The following OR5K3 variants were observed in gnomAD, a reference collection of about 807,000 sequenced individuals.
OR5K3 encodes the protein olfactory receptor 5K3.
For missense variants in OR5K3, 498 were observed against 383.2 expected (o/e 1.30, Z -2.50); for synonymous variants, 178 against 132.6 (o/e 1.34, Z -2.35).
rs141102672 is a variant in OR5K3, at chr3:98,391,430, C to A, written c.765C>A (p.Phe255Leu). 39 of 1,605,002 alleles carry A rather than the reference C, an allele frequency of 2.4e-5. No individual in the cohort carries two copies. In the African/African-American group the frequency reaches 3.9e-4, roughly 16 times the overall value. ...SVSIFCDSLL[F>L]MYARPGAVNE... ...CAATATTCTGTGATTCCCTTCTCTT[C>A]ATGTATGCTCGACCAGGTGCAGTTA... The change falls in exon 1 of 1, where the codon TTC becomes TTA. Residue 255 changes from phenylalanine to leucine, a missense_variant. Transcript: ENST00000383695.
In OR5K3 at chr3:98,390,683, C is replaced by T. The variant is rs370904570; in HGVS notation, c.18C>T (p.His6=). The change falls in exon 1 of 1, where the codon CAC becomes CAT. Residue 6 remains histidine, a synonymous_variant. Transcript: ENST00000383695. ...AGGTGGAGATGAATAAGGAGAATCA[C>T]TCCTTGATAGCTGAGTTCATCCTCA... The part of the protein sequence containing the change: MNKEN[H]SLIAEFILTG... 1.8e-4 allele frequency: 294 copies of T among 1,613,072 alleles called. 1 individual carries two copies. Among genetic ancestry groups the T allele is most frequent in the Middle Eastern group, 9.9e-4 (6 of 6,078 alleles).
In OR5K3 at chr3:98,391,059, T is replaced by C. The variant is rs772593682; in HGVS notation, c.394T>C (p.Tyr132His). ...TGTGGCCATATGCAACCCACTGCAG[T>C]ACCACACCATGATGTCCAAGACACT... ...CYVAICNPLQYHTMMSKTLCI... is the reference protein window; with the variant it reads ...CYVAICNPLQHHTMMSKTLCI... Residue 132 changes from tyrosine (Y) to histidine (H), a missense_variant, in exon 1 of 1, where the codon TAC becomes CAC. Physicochemically the swap from Tyr to His is moderately conservative, Grantham distance 83 (BLOSUM62 2). Transcript: ENST00000383695. 5.6e-6 allele frequency: 9 copies of C among 1,614,222 alleles called. No homozygotes were observed. Among genetic ancestry groups the C allele is most frequent in the Middle Eastern group, 1.7e-4 (1 of 6,060 alleles).
Position 98,391,177 on chromosome 3 carries a change from C to G in OR5K3, c.512C>G (p.Ser171Cys). Reference protein sequence around the residue: ...EFLLRLTFCGSHQINHFFCDV... With the variant: ...EFLLRLTFCGCHQINHFFCDV... ...CTGTTGAGGTTAACTTTCTGTGGGT[C>G]TCATCAAATCAATCATTTTTTCTGT... is the stretch of plus-strand genomic sequence containing the variant. Residue 171 changes from serine to cysteine, a missense_variant, in exon 1 of 1, where the codon TCT (serine) becomes TGT (cysteine). Transcript: ENST00000383695. The G allele has an allele frequency of 6.2e-7, 1 of 1,613,914 alleles. No individual in the cohort carries two copies. Among genetic ancestry groups the G allele is most frequent in the Non-Finnish European group, 8.5e-7 (1 of 1,179,950 alleles).
At position 98,391,141 on chromosome 3, in the gene OR5K3, A is replaced by T. The variant is rs1471040563; in HGVS notation, c.476A>T (p.Glu159Val). The T allele has an allele frequency of 9.3e-6, 15 of 1,614,046 alleles. No individual in the cohort carries two copies. The highest frequency in any genetic ancestry group is 1.3e-5 in the Non-Finnish European group (15 of 1,180,040). Residue 159 changes from glutamate to valine, a missense_variant, in exon 1 of 1, where the codon GAA becomes GTA. Physicochemically the swap from Glu to Val is moderately radical, Grantham distance 121. Transcript: ENST00000383695. ...YLAGNLHPMI[E>V]VEFLLRLTFC... ...GCTGGCAACCTGCATCCCATGATTGAAGTAGAGTTTCTGTTGAGGTTAACT... is the reference window on the plus strand; with the variant it reads ...GCTGGCAACCTGCATCCCATGATTGTAGTAGAGTTTCTGTTGAGGTTAACT...
In OR5K3 at chr3:98,391,155, T is replaced by C. The variant is rs778282356; in HGVS notation, c.490T>C (p.Leu164=). The change falls in exon 1 of 1, where the codon TTG becomes CTG. Residue 164 remains leucine, a synonymous_variant. Coordinates refer to ENST00000383695, the MANE Select transcript of OR5K3 (RefSeq NM_001005516.1). ...LHPMIEVEFL[L]RLTFCGSHQI... is the part of the protein sequence containing the mutation. ...TCCCATGATTGAAGTAGAGTTTCTG[T>C]TGAGGTTAACTTTCTGTGGGTCTCA... The C allele has an allele frequency of 1.2e-6, 2 of 1,614,200 alleles. No homozygotes were observed. The highest frequency in any genetic ancestry group is 1.7e-6 in the Non-Finnish European group (2 of 1,180,038).
In OR5K3 at chr3:98,390,870, A is replaced by T. The variant is rs769094607; in HGVS notation, c.205A>T (p.Met69Leu). The change falls in exon 1 of 1, where the codon ATG becomes TTG. Residue 69 changes from methionine (M) to leucine (L), a missense_variant. Met to Leu is a conservative substitution (Grantham distance 15). Transcript: ENST00000383695. Reference protein sequence around the residue: ...MYIFLGNLVLMDSCCSSAITP... With the variant: ...MYIFLGNLVLLDSCCSSAITP... ...CATATTTTTAGGCAACCTAGTTCTG[A>T]TGGATTCCTGCTGTTCCTCTGCTAT... 1 of 1,614,252 alleles carries T rather than the reference A, an allele frequency of 6.2e-7. No homozygotes were observed. The highest frequency in any genetic ancestry group is 8.5e-7 in the Non-Finnish European group (1 of 1,180,034).
rs1242388593 is a variant in OR5K3 at position 98,391,184 on chromosome 3, A to G, written c.519A>G (p.Gln173=). ...GGTTAACTTTCTGTGGGTCTCATCA[A>G]ATCAATCATTTTTTCTGTGATGTTC... ...LLRLTFCGSH[Q]INHFFCDVLP... is the part of the protein sequence containing the mutation. The change falls in exon 1 of 1, where the codon CAA becomes CAG. Residue 173 remains glutamine (Q), a synonymous_variant. Transcript: ENST00000383695. The G allele has an allele frequency of 1.9e-5, 30 of 1,614,028 alleles. No homozygotes were observed. The highest frequency in any genetic ancestry group is 2.5e-5 in the Non-Finnish European group (29 of 1,179,972).
In OR5K3 at chr3:98,390,692, A is replaced by G. The variant is rs1291174438; in HGVS notation, c.27A>G (p.Ile9Met). The change falls in exon 1 of 1, where the codon ATA (isoleucine) becomes ATG (methionine). Residue 9 changes from isoleucine (I) to methionine (M), a missense_variant. Ile to Met is a conservative substitution (Grantham distance 10). Coordinates refer to ENST00000383695, the MANE Select transcript of OR5K3 (RefSeq NM_001005516.1). MNKENHSLIAEFILTGFTY... is the reference protein window; with the variant it reads MNKENHSLMAEFILTGFTY... ...TGAATAAGGAGAATCACTCCTTGATAGCTGAGTTCATCCTCACAGGATTTA... is the reference window on the plus strand; with the variant it reads ...TGAATAAGGAGAATCACTCCTTGATGGCTGAGTTCATCCTCACAGGATTTA... The G allele has an allele frequency of 1.1e-5, 17 of 1,613,636 alleles. No homozygotes were observed. Among genetic ancestry groups the G allele is most frequent in the African/African-American group, 1.3e-5 (1 of 74,910 alleles).
In OR5K3 at chr3:98,391,402, T is replaced by G; in HGVS notation, c.737T>G (p.Val246Gly). 6.2e-7 allele frequency: 1 copy of G among 1,606,754 alleles called. No homozygotes were observed. The highest frequency in any genetic ancestry group is 1.3e-5 in the African/African-American group (1 of 74,596). The change falls in exon 1 of 1, where the codon GTG (valine) becomes GGG (glycine). Residue 246 changes from valine to glycine, a missense_variant. Val to Gly is a moderately radical substitution (Grantham distance 109). Coordinates refer to ENST00000383695, the MANE Select transcript of OR5K3 (RefSeq NM_001005516.1). Reference protein sequence around the residue: ...LSTCASHFLSVSIFCDSLLFM... With the variant: ...LSTCASHFLSGSIFCDSLLFM... ...ACTTGTGCATCTCACTTTCTCTCTG[T>G]GTCAATATTCTGTGATTCCCTTCTC...
In OR5K3 at chr3:98,391,137, A is replaced by G; in HGVS notation, c.472A>G (p.Ile158Val). ...CCTAGCTGGCAACCTGCATCCCATG[A>G]TTGAAGTAGAGTTTCTGTTGAGGTT... The part of the protein sequence containing the change: ...AYLAGNLHPM[I>V]EVEFLLRLTF... Residue 158 changes from isoleucine (I) to valine (V), a missense_variant, in exon 1 of 1, where the codon ATT (isoleucine) becomes GTT (valine). Ile to Val is a conservative substitution (Grantham distance 29, BLOSUM62 3). Transcript: ENST00000383695. 6.2e-7 allele frequency: 1 copy of G among 1,614,172 alleles called. No homozygotes were observed. Among genetic ancestry groups the G allele is most frequent in the East Asian group, 2.2e-5 (1 of 44,878 alleles).
At position 98,390,838 on chromosome 3, in the gene OR5K3, C is replaced by A. The variant is rs1707459036; in HGVS notation, c.173C>A (p.Pro58Gln). The change falls in exon 1 of 1, where the codon CCA becomes CAA. Residue 58 changes from proline to glutamine, a missense_variant. By Grantham distance (76) the Pro-to-Gln change is moderately conservative. Transcript: ENST00000383695. ...LIYIEQRLHT[P>Q]MYIFLGNLVL... ...TATATAGAGCAACGTCTTCACACAC[C>A]AATGTACATATTTTTAGGCAACCTA... 6.2e-7 allele frequency: 1 copy of A among 1,614,178 alleles called. No individual in the cohort carries two copies. The highest frequency in any genetic ancestry group is 8.5e-7 in the Non-Finnish European group (1 of 1,180,018).
Position 98,391,189 on chromosome 3 carries a change from A to G in OR5K3, c.524A>G (p.Asn175Ser), listed in dbSNP as rs775492004. 6.2e-7 allele frequency: 1 copy of G among 1,613,922 alleles called. No individual in the cohort carries two copies. The highest frequency in any genetic ancestry group is 8.5e-7 in the Non-Finnish European group (1 of 1,179,904). Reference sequence around the variant, plus strand: ...ACTTTCTGTGGGTCTCATCAAATCAATCATTTTTTCTGTGATGTTCTTCCA... The same window carrying G: ...ACTTTCTGTGGGTCTCATCAAATCAGTCATTTTTTCTGTGATGTTCTTCCA... ...RLTFCGSHQI[N>S]HFFCDVLPLY... The change falls in exon 1 of 1, where the codon AAT (asparagine) becomes AGT (serine). Residue 175 changes from asparagine to serine, a missense_variant. Physicochemically the swap from Asn to Ser is conservative, Grantham distance 46. Coordinates refer to ENST00000383695, the MANE Select transcript of OR5K3 (RefSeq NM_001005516.1).
rs747799587 is a variant in OR5K3, at chr3:98,391,537, G to T, written c.872G>T (p.Arg291Ile). The stretch of plus-strand genomic sequence containing the variant: ...TTAAATCCTTTTATTTATAGCCTAA[G>T]AAATAAGGAAGTAATAAATATTATG... ...PLLNPFIYSLRNKEVINIMKK... is the reference protein window; with the variant it reads ...PLLNPFIYSLINKEVINIMKK... Residue 291 changes from arginine to isoleucine, a missense_variant, in exon 1 of 1, where the codon AGA becomes ATA. By Grantham distance (97) the Arg-to-Ile change is moderately conservative. Transcript: ENST00000383695. The T allele has an allele frequency of 2.1e-6, 3 of 1,404,128 alleles. No homozygotes were observed. Among genetic ancestry groups the T allele is most frequent in the Non-Finnish European group, 2.9e-6 (3 of 1,037,838 alleles). The allele number at this position is 1,404,128 out of a possible 1,614,324, so 87.0% of individuals were successfully genotyped here.
At position 98,391,362 on chromosome 3, in the gene OR5K3, G is replaced by A; in HGVS notation, c.697G>A (p.Gly233Ser). Reference protein sequence around the residue: ...IFTMKSKEGRGKALSTCASHF... With the variant: ...IFTMKSKEGRSKALSTCASHF... ...TACAATGAAATCCAAGGAGGGAAGA[G>A]GCAAAGCTTTATCTACTTGTGCATC... Residue 233 changes from glycine (G) to serine (S), a missense_variant, in exon 1 of 1, where the codon GGC becomes AGC. Coordinates refer to ENST00000383695, the MANE Select transcript of OR5K3 (RefSeq NM_001005516.1). The A allele has an allele frequency of 6.2e-7, 1 of 1,610,516 alleles. No individual in the cohort carries two copies. The highest frequency in any genetic ancestry group is 1.7e-5 in the Admixed American group (1 of 59,468).
Position 98,391,406 on chromosome 3 carries a change from A to G in OR5K3, c.741A>G (p.Ser247=). The G allele has an allele frequency of 6.2e-7, 1 of 1,606,408 alleles. No individual in the cohort carries two copies. The change falls in exon 1 of 1, where the codon TCA becomes TCG. Residue 247 remains serine, a synonymous_variant. Coordinates refer to ENST00000383695, the MANE Select transcript of OR5K3 (RefSeq NM_001005516.1). Reference sequence around the variant, plus strand: ...GTGCATCTCACTTTCTCTCTGTGTCAATATTCTGTGATTCCCTTCTCTTCA... The same window carrying G: ...GTGCATCTCACTTTCTCTCTGTGTCGATATTCTGTGATTCCCTTCTCTTCA... ...STCASHFLSV[S]IFCDSLLFMY...
At position 98,391,494 on chromosome 3, in the gene OR5K3, A is replaced by T. The variant is rs1559623170; in HGVS notation, c.829A>T (p.Thr277Ser). The T allele has an allele frequency of 6.7e-7, 1 of 1,488,530 alleles. No homozygotes were observed. The highest frequency in any genetic ancestry group is 9.3e-7 in the Non-Finnish European group (1 of 1,077,966). 92.2% of individuals were successfully genotyped at this position (1,488,530 alleles called of 1,614,324 possible). A position where few individuals can be genotyped will look rare whatever the true frequency, so the allele number is the denominator to read the frequency against. The change falls in exon 1 of 1, where the codon ACT becomes TCT. Residue 277 changes from threonine to serine, a missense_variant. Physicochemically the swap from Thr to Ser is moderately conservative, Grantham distance 58. Transcript: ENST00000383695. ...AGATATACCTGTTGCTATATTTTAT[A>T]CTTTAGTTATTCCTTTATTAAATCC... ...DKDIPVAIFYTLVIPLLNPFI... is the reference protein window; with the variant it reads ...DKDIPVAIFYSLVIPLLNPFI...
Position 98,391,442 on chromosome 3 carries a change from A to C in OR5K3, c.777A>C (p.Arg259=). Residue 259 remains arginine (R), a synonymous_variant, in exon 1 of 1, where the codon CGA becomes CGC. Transcript: ENST00000383695. Reference sequence around the variant, plus strand: ...ATTCCCTTCTCTTCATGTATGCTCGACCAGGTGCAGTTAATGAAGGGGATA... The same window carrying C: ...ATTCCCTTCTCTTCATGTATGCTCGCCCAGGTGCAGTTAATGAAGGGGATA... ...FCDSLLFMYA[R]PGAVNEGDKD... is the part of the protein sequence containing the mutation. 6.2e-7 allele frequency: 1 copy of C among 1,600,190 alleles called. No homozygotes were observed.
rs1707471125 is a variant in OR5K3, at chr3:98,391,498, T to C, written c.833T>C (p.Leu278Ser). Residue 278 changes from leucine to serine, a missense_variant, in exon 1 of 1, where the codon TTA (leucine) becomes TCA (serine). Coordinates refer to ENST00000383695, the MANE Select transcript of OR5K3 (RefSeq NM_001005516.1). ...ATACCTGTTGCTATATTTTATACTT[T>C]AGTTATTCCTTTATTAAATCCTTTT... ...KDIPVAIFYTLVIPLLNPFIY... is the reference protein window; with the variant it reads ...KDIPVAIFYTSVIPLLNPFIY... The C allele has an allele frequency of 1.4e-6, 2 of 1,473,388 alleles. No homozygotes were observed. The highest frequency in any genetic ancestry group is 1.9e-6 in the Non-Finnish European group (2 of 1,068,406). The allele number at this position is 1,473,388 out of a possible 1,614,324, so 91.3% of individuals were successfully genotyped here.
chr3:98,391,516 A>G lies in OR5K3; in HGVS notation c.851A>G (p.Asn284Ser), dbSNP rs912122979. 4.1e-6 allele frequency: 6 copies of G among 1,454,072 alleles called. No individual in the cohort carries two copies. Among genetic ancestry groups the G allele is most frequent in the South Asian group, 4.0e-5 (3 of 75,894 alleles). 90.1% of individuals were successfully genotyped at this position (1,454,072 alleles called of 1,614,324 possible). A position where few individuals can be genotyped will look rare whatever the true frequency, so the allele number is the denominator to read the frequency against. The change falls in exon 1 of 1, where the codon AAT becomes AGT. Residue 284 changes from asparagine to serine, a missense_variant. Transcript: ENST00000383695. The part of the protein sequence containing the change: ...IFYTLVIPLL[N>S]PFIYSLRNKE... ...TATACTTTAGTTATTCCTTTATTAA[A>G]TCCTTTTATTTATAGCCTAAGAAAT...
Sources: allele counts gnomAD v4.1 joint callset, GRCh38; gene constraint gnomAD v4.1.1; transcripts MANE v1.5; gene names NCBI Gene and HGNC (gene_info 2026-07-23, HGNC 2026-07-21).